Variants in GAREM1 observed in about 807,000 individuals in gnomAD.
GAREM1 encodes the protein GRB2-associated and regulator of MAPK protein 1.
GAREM1 carries 26 observed loss-of-function variants against 71.3 expected under a neutral mutation model. The ratio of observed to expected loss-of-function variants is 0.36; its 90% CI spans 0.27 to 0.51. The LOEUF is 0.51. GAREM1 is among the 20% of genes least tolerant of loss of function. The probability of loss-of-function intolerance (pLI) is 0.95; values close to 1 mark genes in which losing one functional copy is unlikely to be tolerated. For missense variants in GAREM1, 1,026 were observed against 1,103.1 expected (o/e 0.93, Z 0.99); for synonymous variants, 440 against 433.2 (o/e 1.02, Z -0.20).
In GAREM1 at chr18:32,267,852, C is replaced by A. The variant is rs762676429; in HGVS notation, c.*19G>T. 2 of 1,592,956 alleles carry A rather than the reference C, an allele frequency of 1.3e-6. No homozygotes were observed. The highest frequency in any genetic ancestry group is 3.4e-5 in the Admixed American group (2 of 59,000). ...ACGCATTGATCAGTTTTGTTCCATG[C>A]TGGCCGGGGGTTATTTGGCTATATT... On this transcript the variant is annotated 3_prime_UTR_variant, in exon 6 of 6. Transcript: ENST00000269209.
chr18:32,274,958 CAAA>C lies in GAREM1; in HGVS notation c.1567-4578_1567-4576del, dbSNP rs60198341. Among the ~76,000 whole-genome samples, 659 of 113,198 alleles carry C rather than the reference CAAA, an allele frequency of 5.8e-3. 2 individuals are homozygous for C. The highest frequency in any genetic ancestry group is 0.018 in the Middle Eastern group (4 of 218). 74.3% of individuals were successfully genotyped at this position (113,198 alleles called of 152,430 possible). ...GTGTTAAGAAATGTCACAAAAAATA[CAAA>C]AAAAAAAAAAGGCACTTAAAAAAAC... is the stretch of plus-strand genomic sequence containing the variant. On this transcript the variant is annotated intron_variant, in intron 4 of 5. Transcript: ENST00000269209.
chr18:32,321,141 C>T (rs1355261757), intron 2 of GAREM1, among the ~76,000 whole-genome samples: 1 of 152,142 alleles, frequency 6.6e-6, no homozygotes, highest in Non-Finnish European at 1.5e-5. Context: ...CTAAGTGTTC[C>T]ATAAACACTT....
chr18:32,338,233 C>T (rs970804098), intron 2 of GAREM1, among the ~76,000 whole-genome samples: 3 of 152,186 alleles, frequency 2.0e-5, no homozygotes, highest in African/African-American at 7.2e-5. Context: ...TTTATTTCCC[C>T]TACCGTGAAT....
chr18:32,364,042 T>TTTG (rs1567980930), intron 2 of GAREM1, among the ~76,000 whole-genome samples: 4 of 74,646 alleles, frequency 5.4e-5, no homozygotes, highest in South Asian at 5.1e-4. Flanking sequence ...TTTTTTTTTT[T>TTTG]TTTTTTTTGT....
intron 2 of GAREM1, among the ~76,000 whole-genome samples, chr18:32,343,307 CA>C: frequency 1.4e-5 from 2 of 147,270 alleles, no homozygotes; most frequent in Non-Finnish European, 1.5e-5. Flanking sequence ...TACTCTCCCC[CA>C]CTGTTTTTTT....
intron 1 of GAREM1, among the ~76,000 whole-genome samples, chr18:32,416,947 G>A (rs998565794): frequency 2.6e-5 from 4 of 152,114 alleles, no homozygotes; most frequent in Admixed American, 6.5e-5. Flanking sequence ...CAGAATGGGA[G>A]AAAATATTTG....
At chr18:32,411,002 A>G (rs1377725044) in intron 1 of GAREM1, among the ~76,000 whole-genome samples, 2 of 152,036 alleles carry the variant, frequency 1.3e-5, no homozygotes, top group African/African-American at 2.4e-5. Context: ...GGGGTTTCAC[A>G]ACATTGGCCA....
At chr18:32,322,154 C>T (rs2047435131) in intron 2 of GAREM1, among the ~76,000 whole-genome samples, 1 of 152,192 alleles carries the variant, frequency 6.6e-6, no homozygotes, top group African/African-American at 2.4e-5. Context: ...TGACCTCGCT[C>T]TGTTCCTGCC....
chr18:32,355,491 T>G (rs188979584), intron 2 of GAREM1, among the ~76,000 whole-genome samples: 7 of 152,168 alleles, frequency 4.6e-5, no homozygotes, highest in African/African-American at 1.4e-4. Flanking sequence ...GTGGTCAAAA[T>G]ACTAATTTTA....
chr18:32,314,366 T>G (rs1399133041), intron 2 of GAREM1, among the ~76,000 whole-genome samples: 3 of 152,206 alleles, frequency 2.0e-5, no homozygotes, highest in Non-Finnish European at 4.4e-5. Context: ...CTAATTTAAA[T>G]GCAGACTCTG....
intron 4 of GAREM1, among the ~76,000 whole-genome samples, chr18:32,284,624 G>C (rs1354626749): frequency 6.6e-6 from 1 of 152,094 alleles, no homozygotes; most frequent in African/African-American, 2.4e-5. Context: ...AAGTTCAATA[G>C]GAAAAGCTCA....
chr18:32,421,597 C>T (rs985103533), intron 1 of GAREM1, among the ~76,000 whole-genome samples: 2 of 152,078 alleles, frequency 1.3e-5, no homozygotes, highest in African/African-American at 2.4e-5. Flanking sequence ...ACACTGGTAA[C>T]GTATATCAGA....
At chr18:32,397,599 C>G (rs2048270312) in intron 1 of GAREM1, among the ~76,000 whole-genome samples, 1 of 152,176 alleles carries the variant, frequency 6.6e-6, no homozygotes, top group African/African-American at 2.4e-5. Flanking sequence ...ACAAGAAGAG[C>G]TAACTATCAA....
At chr18:32,333,255 G>C in intron 2 of GAREM1, among the ~76,000 whole-genome samples, 1 of 151,794 alleles carries the variant, frequency 6.6e-6, no homozygotes, top group Non-Finnish European at 1.5e-5. Flanking sequence ...GAGAGGGGGA[G>C]GGGGAACAGG....
intron 1 of GAREM1, among the ~76,000 whole-genome samples, chr18:32,401,680 G>C (rs1036413438): frequency 5.3e-5 from 8 of 152,294 alleles, no homozygotes; most frequent in African/African-American, 1.7e-4. Context: ...TTGGAGAAGA[G>C]AGAAACCAGA....
chr18:32,462,294 T>C (rs900631440), intron 1 of GAREM1, among the ~76,000 whole-genome samples: 1 of 152,236 alleles, frequency 6.6e-6, no homozygotes. Context: ...CCAACACTTT[T>C]GTCTTTTTGC....
intron 4 of GAREM1, among the ~76,000 whole-genome samples, chr18:32,279,743 T>C (rs115383976): frequency 0.041 from 6,262 of 152,256 alleles, 206 homozygotes; most frequent in African/African-American, 0.085. Flanking sequence ...AAATTGTCTT[T>C]CATGAAACTG....
At chr18:32,459,141 T>G (rs77084658) in intron 1 of GAREM1, among the ~76,000 whole-genome samples, 319 of 152,256 alleles carry the variant, frequency 2.1e-3, no homozygotes, top group African/African-American at 7.4e-3. Context: ...TAACAAGCAG[T>G]TTTATATACA....
At chr18:32,427,107 C>G (rs1446064823) in intron 1 of GAREM1, among the ~76,000 whole-genome samples, 1 of 152,084 alleles carries the variant, frequency 6.6e-6, no homozygotes, top group African/African-American at 2.4e-5. Context: ...CCCAACTTCC[C>G]ATGGTAGTTT....
Sources: gnomAD v4.1 joint callset for allele counts (sites outside exome capture counted in the v4.1 genomes callset) on GRCh38, gnomAD v4.1.1 for gene constraint, MANE v1.5 for transcripts, NCBI Gene and HGNC (gene_info 2026-07-23, HGNC 2026-07-21) for gene names.